The following CHD6 variants were observed in gnomAD, a reference collection of about 807,000 sequenced individuals.
CHD6 encodes the protein chromodomain helicase DNA binding protein 6.
A neutral mutation model predicts 276.9 loss-of-function variants in CHD6; 50 were observed. The observed-to-expected ratio is 0.18, with a 90% CI of 0.14 to 0.23. CHD6 has a LOEUF of 0.23. CHD6 is among the 10% of genes least tolerant of loss of function. CHD6 has a pLI of 1.00. For synonymous variants in CHD6, 1,173 were observed against 1,229.3 expected, an observed-to-expected ratio of 0.95 and a Z score of 0.96; for missense variants, 2,564 against 3,365.8, an observed-to-expected ratio of 0.76 and a Z score of 5.89.
chr20:41,459,969 CA>C (rs1341619726), intron 17 of CHD6, among the ~76,000 whole-genome samples: 1 of 152,174 alleles, frequency 6.6e-6, no homozygotes, highest in Non-Finnish European at 1.5e-5. Context: ...TGGCTTTGCC[CA>C]AAATGCTGGC....
At chr20:41,447,564 A>T (rs1265082364) in intron 24 of CHD6, among the ~76,000 whole-genome samples, 1 of 152,262 alleles carries the variant, frequency 6.6e-6, no homozygotes, top group Non-Finnish European at 1.5e-5. Context: ...TATACATGTC[A>T]GATCAGTAAC....
chr20:41,575,314 C>T (rs539104807), intron 1 of CHD6, among the ~76,000 whole-genome samples: 1 of 152,162 alleles, frequency 6.6e-6, no homozygotes, highest in African/African-American at 2.4e-5. Context: ...TTGCTTTGTA[C>T]ATTTTGTTCA....
intron 17 of CHD6, among the ~76,000 whole-genome samples, chr20:41,460,779 G>A (rs1020571403): frequency 6.6e-6 from 1 of 152,206 alleles, no homozygotes; most frequent in African/African-American, 2.4e-5. Flanking sequence ...TGGGGTCGGA[G>A]CCCCCACACA....
chr20:41,522,188 G>T (rs1568670633), intron 3 of CHD6, among the ~76,000 whole-genome samples: 1 of 151,506 alleles, frequency 6.6e-6, no homozygotes. Flanking sequence ...AAAAAATCGG[G>T]AAAAAAAATC....
intron 36 of CHD6, among the ~76,000 whole-genome samples, chr20:41,410,059 C>T (rs1016233124): frequency 3.3e-5 from 5 of 152,138 alleles, no homozygotes; most frequent in African/African-American, 4.8e-5. Flanking sequence ...AACCACAGCA[C>T]GTGTGGCAGA....
intron 1 of CHD6, among the ~76,000 whole-genome samples, chr20:41,601,750 A>G (rs2045775476): frequency 6.6e-6 from 1 of 152,240 alleles, no homozygotes; most frequent in African/African-American, 2.4e-5. Flanking sequence ...TAATAACAGA[A>G]CCCAAAATTT....
rs781626853 is a variant in CHD6 at position 41,489,883 on chromosome 20, C to A, written c.1575G>T (p.Glu525Asp). Residue 525 changes from glutamate (E) to aspartate (D), a missense_variant, in exon 12 of 37, where the codon GAG becomes GAT. By Grantham distance (45) the Glu-to-Asp change is conservative. Transcript: ENST00000373233. ...TCTCTGTCCATGTCCGGAACTCCCGCTCCCAGTTAGTGATGGTGGAGAGAG... is the reference window on the plus strand; with the variant it reads ...TCTCTGTCCATGTCCGGAACTCCCGATCCCAGTTAGTGATGGTGGAGAGAG... ...IAPLSTITNW[E>D]REFRTWTEMN... is the part of the protein sequence containing the mutation. 1.2e-6 allele frequency: 2 copies of A among 1,614,006 alleles called. No individual in the cohort carries two copies. Among genetic ancestry groups the A allele is most frequent in the Non-Finnish European group, 1.7e-6 (2 of 1,179,946 alleles).
chr20:41,472,776 T>C (rs1717115539), intron 17 of CHD6, among the ~76,000 whole-genome samples: 1 of 152,208 alleles, frequency 6.6e-6, no homozygotes, highest in Admixed American at 6.5e-5. Context: ...ACCGGTTATT[T>C]AGTTTGGCTA....
chr20:41,451,693 C>T (rs1036883101), intron 22 of CHD6, 133 bp downstream of exon 22: 4 of 757,362 alleles, frequency 5.3e-6, no homozygotes, highest in Non-Finnish European at 8.9e-6. Context: ...AACATCTTTT[C>T]CCACTGGTAA....
chr20:41,596,800 C>T (rs1029208455), intron 1 of CHD6, among the ~76,000 whole-genome samples: 1 of 152,102 alleles, frequency 6.6e-6, no homozygotes, highest in Non-Finnish European at 1.5e-5. Context: ...GTGAAAGCTC[C>T]ATTTTGTTAC....
At chr20:41,470,992 A>C (rs1319779333) in intron 17 of CHD6, among the ~76,000 whole-genome samples, 1 of 152,214 alleles carries the variant, frequency 6.6e-6, no homozygotes. Context: ...TCCAGCTGCC[A>C]TGCCTCACAG....
At chr20:41,586,424 C>T (rs2045595592) in intron 1 of CHD6, among the ~76,000 whole-genome samples, 1 of 152,188 alleles carries the variant, frequency 6.6e-6, no homozygotes, top group South Asian at 2.1e-4. Flanking sequence ...GAGCTGAATG[C>T]TAGTCTCTGG....
intron 1 of CHD6, among the ~76,000 whole-genome samples, chr20:41,564,458 A>T (rs543934852): frequency 6.6e-6 from 1 of 152,222 alleles, no homozygotes; most frequent in Non-Finnish European, 1.5e-5. Context: ...CATTTATATG[A>T]CATTCAAGAA....
chr20:41,515,079 C>T (rs2044219077), intron 3 of CHD6, 127 bp from the exon 4 acceptor site: 2 of 917,200 alleles, frequency 2.2e-6, no homozygotes, highest in East Asian at 2.4e-5. Flanking sequence ...GGGGAATCTA[C>T]AAGAGTTTCT....
At chr20:41,502,743 T>G (rs1429967657) in intron 5 of CHD6, among the ~76,000 whole-genome samples, 3 of 152,210 alleles carry the variant, frequency 2.0e-5, no homozygotes, top group Non-Finnish European at 2.9e-5. Flanking sequence ...CGGTGGCTCA[T>G]GCCTATTATC....
chr20:41,608,521 TCTC>T (rs1024821387), intron 1 of CHD6, among the ~76,000 whole-genome samples: 1 of 152,156 alleles, frequency 6.6e-6, no homozygotes, highest in Admixed American at 6.5e-5. Flanking sequence ...TAAGGGAAAT[TCTC>T]CTACGTGGGT....
chr20:41,493,927 G>A lies in CHD6; in HGVS notation c.1110C>T (p.Phe370=), dbSNP rs373926650. The part of the protein sequence containing the change: ...HIFTEPDEDL[F]NPDYVEVDRI... ...GATCAACTTCTACATAGTCTGGATT[G>A]AACAAGTCTTCATCAGGCTAACACA... The change falls in exon 9 of 37, where the codon TTC becomes TTT. Residue 370 remains phenylalanine (F), a synonymous_variant. Transcript: ENST00000373233. 4.3e-6 allele frequency: 7 copies of A among 1,613,676 alleles called. No individual in the cohort carries two copies. Among genetic ancestry groups the A allele is most frequent in the South Asian group, 1.1e-5 (1 of 91,054 alleles).
chr20:41,561,573 A>T lies in CHD6; in HGVS notation c.-23-10213T>A, dbSNP rs573991210. 2.0e-5 allele frequency among the ~76,000 whole-genome samples: 3 copies of T among 151,574 alleles called. No homozygotes were observed. In the South Asian group the frequency reaches 6.3e-4, roughly 32 times the overall value. ...CTCCCTCAGTCTCTCTCCATGGTGG[A>T]CTCCTAGGTTTCTCCTCTCTAGGTT... On this transcript the variant is annotated intron_variant, in intron 1 of 36. Transcript: ENST00000373233.
chr20:41,587,171 GA>G (rs1340503374), intron 1 of CHD6, among the ~76,000 whole-genome samples: 3 of 152,138 alleles, frequency 2.0e-5, no homozygotes, highest in Admixed American at 6.5e-5. Flanking sequence ...ATACTATCAA[GA>G]AACAATTGCA....
Sources: gnomAD v4.1 joint callset for allele counts (sites outside exome capture counted in the v4.1 genomes callset) on GRCh38, gnomAD v4.1.1 for gene constraint, MANE v1.5 for transcripts, NCBI Gene and HGNC (gene_info 2026-07-23, HGNC 2026-07-21) for gene names.